The following NUCB2 variants were observed in gnomAD, a reference collection of about 807,000 sequenced individuals.
NUCB2 encodes the protein nucleobindin 2, also known as nucleobindin-2.
In NUCB2, 48 loss-of-function variants were observed where a neutral mutation model predicts 57.9. The ratio of observed to expected loss-of-function variants is 0.83; its 90% CI spans 0.66 to 1.05. The LOEUF (loss-of-function observed/expected upper bound fraction) is 1.05, where lower values mean the gene tolerates loss of function less well. Among genes scored for constraint, NUCB2 ranks in the 50% least tolerant of loss-of-function variants. NUCB2 has a pLI of 0.00. For synonymous variants in NUCB2, 139 were observed against 152.1 expected, an observed-to-expected ratio of 0.91 and a Z score of 0.64; for missense variants, 442 against 476.2, an observed-to-expected ratio of 0.93 and a Z score of 0.67.
intron 3 of NUCB2, 107 bp downstream of exon 3, chr11:17,295,574 A>G: frequency 1.2e-6 from 1 of 845,586 alleles, no homozygotes. Flanking sequence ...ATGAAATGAG[A>G]GGAATTATAA....
intron 1 of NUCB2, chr11:17,278,534 C>T (rs1941857149): frequency 6.6e-6 from 1 of 152,090 alleles, no homozygotes; most frequent in South Asian, 2.1e-4. Flanking sequence ...TTTGCTCTCC[C>T]AAGGTACATA....
intron 11 of NUCB2, among the ~76,000 whole-genome samples, chr11:17,327,942 A>T (rs1950903705): frequency 6.6e-6 from 1 of 152,112 alleles, no homozygotes. Context: ...GCCTTATTTA[A>T]TTCATTTGGT....
intron 2 of NUCB2, among the ~76,000 whole-genome samples, chr11:17,287,179 A>G (rs1419380848): frequency 6.6e-6 from 1 of 152,038 alleles, no homozygotes; most frequent in East Asian, 1.9e-4. Context: ...AAAAATATAT[A>G]TATATATCAC....
At chr11:17,335,508 C>CT (rs35406283), downstream of NUCB2, among the ~76,000 whole-genome samples, 170 of 146,684 alleles carry the variant, frequency 1.2e-3, no homozygotes, top group African/African-American at 3.0e-3. Context: ...AATATTATTT[C>CT]TTTTTTTTTT....
chr11:17,295,000 A>G (rs1945586505), intron 2 of NUCB2, among the ~76,000 whole-genome samples: 1 of 152,138 alleles, frequency 6.6e-6, no homozygotes, highest in Admixed American at 6.6e-5. Flanking sequence ...GTGAGCAGTG[A>G]TCGTACCATT....
intron 5 of NUCB2, among the ~76,000 whole-genome samples, chr11:17,305,396 G>T (rs1947463663): frequency 6.6e-6 from 1 of 151,946 alleles, no homozygotes; most frequent in Non-Finnish European, 1.5e-5. Context: ...TAAAGGACTA[G>T]ATATTAGAAA....
At chr11:17,300,967 C>CTTTTTTTTTTTTTT (rs71047541) in intron 4 of NUCB2, among the ~76,000 whole-genome samples, 1 of 84,392 alleles carries the variant, frequency 1.2e-5, no homozygotes, top group Non-Finnish European at 2.3e-5. Flanking sequence ...TAAAGCTAAT[C>CTTTTTTTTTTTTTT]TTTTTTTTTT....
intron 11 of NUCB2, among the ~76,000 whole-genome samples, chr11:17,321,390 A>G (rs1326258893): frequency 6.6e-6 from 1 of 152,128 alleles, no homozygotes; most frequent in Non-Finnish European, 1.5e-5. Context: ...ACTTAACATA[A>G]TGACCTCCAG....
intron 11 of NUCB2, among the ~76,000 whole-genome samples, chr11:17,318,284 TG>T (rs908351046): frequency 9.7e-4 from 148 of 151,972 alleles, no homozygotes; most frequent in African/African-American, 3.4e-3. Context: ...CCCAAAGTAC[TG>T]GGATTACATA....
rs1179487613 is a variant in NUCB2, at chr11:17,345,855, A to G, written n.2627-3490A>G. ...GGCCTATTTTTAAAACTATAAATAA[A>G]TAATTGGATTTTAATTTGATAGAGA... is the stretch of plus-strand genomic sequence containing the variant. On this transcript the variant is annotated intron_variant and non_coding_transcript_variant, in intron 2 of 2. Transcript: ENST00000532240. Among the ~76,000 whole-genome samples, 4 of 152,270 alleles carry G rather than the reference A, an allele frequency of 2.6e-5. No homozygotes were observed. The South Asian group carries it at 6.2e-4, about 24-fold the overall frequency.
At chr11:17,295,747 T>G in intron 3 of NUCB2, 1 of 404,012 alleles carries the variant, frequency 2.5e-6, no homozygotes, top group South Asian at 3.0e-5. Context: ...CGTAATACAT[T>G]TCCAACACAG....
chr11:17,310,724 G>A (rs977669374), intron 6 of NUCB2, 101 bp from the exon 7 acceptor site: 279 of 866,180 alleles, frequency 3.2e-4, no homozygotes, highest in Non-Finnish European at 1.8e-4. Context: ...TTGCCCTCCC[G>A]TACCACTTCT....
At chr11:17,287,360 G>A (rs1480766444) in intron 2 of NUCB2, among the ~76,000 whole-genome samples, 3 of 151,880 alleles carry the variant, frequency 2.0e-5, no homozygotes, top group Non-Finnish European at 4.4e-5. Context: ...ATAGAAGGTG[G>A]TAGATTTAAA....
chr11:17,339,802 A>G (rs373949168), intron 2 of NUCB2, among the ~76,000 whole-genome samples: 1 of 152,036 alleles, frequency 6.6e-6, no homozygotes, highest in Non-Finnish European at 1.5e-5. Flanking sequence ...GAATAGTGCC[A>G]CAATAAACAT....
At chr11:17,294,787 C>G (rs1945535643) in intron 2 of NUCB2, among the ~76,000 whole-genome samples, 1 of 151,974 alleles carries the variant, frequency 6.6e-6, no homozygotes. Flanking sequence ...GTGGCTCACG[C>G]CTGTAATCTT....
intron 2 of NUCB2, among the ~76,000 whole-genome samples, chr11:17,346,265 T>C (rs376983127): frequency 4.6e-5 from 7 of 152,192 alleles, no homozygotes; most frequent in African/African-American, 1.7e-4. Flanking sequence ...ATCACAGTGG[T>C]TTCCAGGCTT....
At chr11:17,279,234 T>C (rs1942027420) in intron 1 of NUCB2, among the ~76,000 whole-genome samples, 1 of 152,274 alleles carries the variant, frequency 6.6e-6, no homozygotes, top group Middle Eastern at 3.4e-3. Flanking sequence ...TTTCAAATAA[T>C]TTATTCAAGG....
chr11:17,323,594 T>C (rs1390717635), intron 11 of NUCB2, among the ~76,000 whole-genome samples: 2 of 152,230 alleles, frequency 1.3e-5, no homozygotes, highest in Non-Finnish European at 2.9e-5. Context: ...TCAAATGAGT[T>C]TGGAAGTATT....
At chr11:17,280,829 C>T (rs575877373) in intron 1 of NUCB2, among the ~76,000 whole-genome samples, 15 of 152,250 alleles carry the variant, frequency 9.9e-5, no homozygotes, top group Admixed American at 9.8e-4. Flanking sequence ...CACTTGAGCT[C>T]ACAGGTTTGA....
Sources: gnomAD v4.1 joint callset for allele counts (sites outside exome capture counted in the v4.1 genomes callset) on GRCh38, gnomAD v4.1.1 for gene constraint, MANE v1.5 for transcripts, NCBI Gene and HGNC (gene_info 2026-07-23, HGNC 2026-07-21) for gene names.